The following BTAF1 variants were observed in gnomAD, a reference collection of about 807,000 sequenced individuals.
The protein encoded by BTAF1 is TATA-binding protein-associated factor 172.
BTAF1 carries 38 observed loss-of-function variants against 227.1 expected under a neutral mutation model. The ratio of observed to expected loss-of-function variants is 0.17; its 90% CI spans 0.13 to 0.22. BTAF1 has a LOEUF of 0.22. BTAF1 is among the 10% of genes least tolerant of loss of function. The probability of loss-of-function intolerance (pLI) is 1.00; values close to 1 mark genes in which losing one functional copy is unlikely to be tolerated. For synonymous variants in BTAF1, 742 were observed against 751.9 expected, an observed-to-expected ratio of 0.99 and a Z score of 0.21; for missense variants, 1,598 against 2,204.0, an observed-to-expected ratio of 0.73 and a Z score of 5.51.
At chr10:92,023,504 C>T (rs1420610681) in intron 34 of BTAF1, among the ~76,000 whole-genome samples, 10 of 152,024 alleles carry the variant, frequency 6.6e-5, no homozygotes, top group Non-Finnish European at 1.3e-4. Flanking sequence ...GCCAACATGG[C>T]GAAACCCCAT....
chr10:91,981,148 C>T (rs1272472191), intron 15 of BTAF1, among the ~76,000 whole-genome samples: 1 of 152,030 alleles, frequency 6.6e-6, no homozygotes, highest in Non-Finnish European at 1.5e-5. Context: ...CTAGTCCTAG[C>T]CCATTAAATG....
intron 14 of BTAF1, among the ~76,000 whole-genome samples, chr10:91,979,083 G>T (rs1025381850): frequency 6.6e-6 from 1 of 151,898 alleles, no homozygotes; most frequent in African/African-American, 2.4e-5. Flanking sequence ...GTACTTCTCT[G>T]TTCCTGTGTT....
At chr10:91,954,596 C>T (rs531102098) in intron 6 of BTAF1, among the ~76,000 whole-genome samples, 18 of 151,638 alleles carry the variant, frequency 1.2e-4, no homozygotes, top group South Asian at 1.0e-3. Context: ...CAGTCTCTGT[C>T]GCCCAGGCTG....
At chr10:91,968,859 C>T (rs889712364) in intron 14 of BTAF1, among the ~76,000 whole-genome samples, 16 of 151,912 alleles carry the variant, frequency 1.1e-4, no homozygotes, top group African/African-American at 3.9e-4. Context: ...GTCTGTTCAG[C>T]TTTTGCCTAT....
chr10:91,993,835 A>G lies in BTAF1; in HGVS notation c.3187A>G (p.Ile1063Val), dbSNP rs201921849. 2.6e-5 allele frequency: 42 copies of G among 1,592,482 alleles called. No individual in the cohort carries two copies. The highest frequency in any genetic ancestry group is 1.3e-4 in the East Asian group (6 of 44,606). ...MVGPLRNTIDINNFDGKSLLD... is the reference protein window; with the variant it reads ...MVGPLRNTIDVNNFDGKSLLD... ...TGGCCCATTGAGGAATACAATCGAC[A>G]TAAATAATTTTGGTATACACATATT... is the stretch of plus-strand genomic sequence containing the variant. The change falls in exon 22 of 38, where the codon ATA (isoleucine) becomes GTA (valine). Residue 1063 changes from isoleucine (I) to valine (V), a missense_variant. Around this residue, in one of 10 missense-constraint regions of BTAF1, gnomAD observed 425 missense variants for 491.2 expected, o/e 0.87. Transcript: ENST00000265990.
Position 91,957,250 on chromosome 10 carries a change from T to G in BTAF1, c.857T>G (p.Phe286Cys). 6.2e-7 allele frequency: 1 copy of G among 1,612,942 alleles called. No homozygotes were observed. The highest frequency in any genetic ancestry group is 2.2e-5 in the East Asian group (1 of 44,762). Reference sequence around the variant, plus strand: ...ACAAATGAATGGCCTTTGGAAAGCTTTTGTGAAGAACTTTGCAATGACCTT... The same window carrying G: ...ACAAATGAATGGCCTTTGGAAAGCTGTTGTGAAGAACTTTGCAATGACCTT... ...EETNEWPLES[F>C]CEELCNDLFN... Residue 286 changes from phenylalanine (F) to cysteine (C), a missense_variant, in exon 8 of 38, where the codon TTT becomes TGT. Around this residue, in one of 10 missense-constraint regions of BTAF1, gnomAD observed 298 missense variants for 395.2 expected, o/e 0.75. Coordinates refer to ENST00000265990, the MANE Select transcript of BTAF1 (RefSeq NM_003972.3).
chr10:91,984,632 A>G (rs1352177117), intron 19 of BTAF1, among the ~76,000 whole-genome samples: 1 of 152,078 alleles, frequency 6.6e-6, no homozygotes, highest in Non-Finnish European at 1.5e-5. Flanking sequence ...AAATCAATGC[A>G]CCTTTATTAG....
chr10:91,947,166 CTCTATAGGTTATCTTT>C (rs1379116344), intron 4 of BTAF1, among the ~76,000 whole-genome samples: 1 of 152,138 alleles, frequency 6.6e-6, no homozygotes, highest in African/African-American at 2.4e-5. Flanking sequence ...TTTTCTACTG[CTCTATAGGTTATCTTT>C]TCATTTCCTC....
chr10:91,993,526 T>G (rs1848942063), intron 21 of BTAF1, among the ~76,000 whole-genome samples, 168 bp from the exon 22 acceptor site: 1 of 152,230 alleles, frequency 6.6e-6, no homozygotes, highest in Admixed American at 6.5e-5. Flanking sequence ...GTAAATTTAA[T>G]TATTGGGAAA....
intron 1 of BTAF1, among the ~76,000 whole-genome samples, chr10:91,932,353 T>G (rs868032134): frequency 3.9e-5 from 6 of 152,284 alleles, no homozygotes; most frequent in African/African-American, 7.2e-5. Flanking sequence ...ACCAACTGAT[T>G]TTTTATGTAA....
chr10:91,947,675 T>G (rs1845465173), intron 4 of BTAF1, among the ~76,000 whole-genome samples: 1 of 146,616 alleles, frequency 6.8e-6, no homozygotes, highest in South Asian at 2.2e-4. Context: ...AAGATTGTTT[T>G]GGTTATTCTG....
chr10:91,978,215 A>G (rs1028532729), intron 14 of BTAF1, among the ~76,000 whole-genome samples: 2 of 152,168 alleles, frequency 1.3e-5, no homozygotes, highest in African/African-American at 4.8e-5. Context: ...AGAATTTAGT[A>G]GAGTAACGAT....
At chr10:91,929,354 C>CATTTTAT (rs1844110192) in intron 1 of BTAF1, among the ~76,000 whole-genome samples, 1 of 152,176 alleles carries the variant, frequency 6.6e-6, no homozygotes, top group South Asian at 2.1e-4. Flanking sequence ...AATGTCTAGA[C>CATTTTAT]AGTACTTATA....
chr10:91,942,710 C>T, intron 4 of BTAF1, 142 bp downstream of exon 4: 1 of 917,894 alleles, frequency 1.1e-6, no homozygotes, highest in Non-Finnish European at 1.6e-6. Flanking sequence ...GCGGGGGATG[C>T]TATGAATGGG....
At chr10:91,985,233 A>G (rs1848325514) in intron 19 of BTAF1, among the ~76,000 whole-genome samples, 1 of 152,160 alleles carries the variant, frequency 6.6e-6, no homozygotes, top group Non-Finnish European at 1.5e-5. Flanking sequence ...AAATGAAATC[A>G]TACACTGTGC....
At chr10:91,984,473 A>G in intron 19 of BTAF1, 69 bp downstream of exon 19, 3 of 1,347,778 alleles carry the variant, frequency 2.2e-6, no homozygotes, top group African/African-American at 1.5e-5. Flanking sequence ...TTGTCATGAC[A>G]TGTTTATCAC....
rs1192088409 is a variant in BTAF1, at chr10:92,018,810, A to G, written c.4738A>G (p.Asn1580Asp). ...QALQYLRKLC[N>D]HPALVLTPQH... The stretch of plus-strand genomic sequence containing the variant: ...ATTACAGTACTTACGTAAACTGTGC[A>G]ACCATCCAGCATTAGTCTTAACACC... The change falls in exon 34 of 38, where the codon AAC (asparagine) becomes GAC (aspartate). Residue 1580 changes from asparagine (N) to aspartate (D), a missense_variant. By Grantham distance (23) the Asn-to-Asp change is conservative (BLOSUM62 1). Around this residue, in one of 10 missense-constraint regions of BTAF1, gnomAD observed 205 missense variants for 244.5 expected, o/e 0.84. Coordinates refer to ENST00000265990, the MANE Select transcript of BTAF1 (RefSeq NM_003972.3). 6.3e-7 allele frequency: 1 copy of G among 1,595,740 alleles called. No individual in the cohort carries two copies. Among genetic ancestry groups the G allele is most frequent in the Admixed American group, 1.8e-5 (1 of 54,546 alleles).
intron 34 of BTAF1, among the ~76,000 whole-genome samples, chr10:92,019,771 T>C (rs1850989468): frequency 6.6e-6 from 1 of 152,256 alleles, no homozygotes; most frequent in South Asian, 2.1e-4. Context: ...GAGCATCTTT[T>C]CATGTGCTTA....
At chr10:91,926,986 T>A (rs1843886304) in intron 1 of BTAF1, among the ~76,000 whole-genome samples, 1 of 152,142 alleles carries the variant, frequency 6.6e-6, no homozygotes, top group Non-Finnish European at 1.5e-5. Context: ...TCATCTTGTG[T>A]CAACTTCTCT....
Sources: allele counts gnomAD v4.1 joint callset (sites outside exome capture counted in the v4.1 genomes callset), GRCh38; gene constraint gnomAD v4.1.1; regional missense constraint gnomAD v4.1.1; transcripts MANE v1.5; gene names NCBI Gene and HGNC (gene_info 2026-07-23, HGNC 2026-07-21).